The following CREB3L1 variants were observed in gnomAD, a reference collection of about 807,000 sequenced individuals.
CREB3L1 encodes the protein cAMP responsive element binding protein 3 like 1.
CREB3L1 carries 33 observed loss-of-function variants against 54.5 expected under a neutral mutation model. The ratio of observed to expected loss-of-function variants is 0.61; its 90% confidence interval spans 0.46 to 0.81. CREB3L1 has a LOEUF of 0.81. CREB3L1 is among the 30% of genes least tolerant of loss of function. CREB3L1 has a pLI of 0.00. For missense variants in CREB3L1, 656 were observed against 673.3 expected (o/e 0.97, Z 0.29); for synonymous variants, 284 against 286.4 (o/e 0.99, Z 0.08).
In CREB3L1 at chr11:46,321,059, G is replaced by GAC. The variant is rs1436805052; in HGVS notation, c.*317_*318dup. 1.7e-6 allele frequency: 1 copy of GAC among 581,250 alleles called. No individual in the cohort carries two copies. The highest frequency in any genetic ancestry group is 3.2e-6 in the Non-Finnish European group (1 of 316,938). 36.0% of individuals were successfully genotyped at this position (581,250 alleles called of 1,614,324 possible). A position where few individuals can be genotyped will look rare whatever the true frequency, so the allele number is the denominator to read the frequency against. ...CTGCCCCCACACCTGCACCCAAACAGACACATCAACGCACCCCACTCACAG... is the reference window on the plus strand; with the variant it reads ...CTGCCCCCACACCTGCACCCAAACAGACACACATCAACGCACCCCACTCACAG... On this transcript the variant is annotated 3_prime_UTR_variant, in exon 12 of 12. Coordinates refer to ENST00000621158, the MANE Select transcript of CREB3L1 (RefSeq NM_052854.4).
chr11:46,299,864 C>G lies in CREB3L1; in HGVS notation c.103-71C>G, dbSNP rs1345934972. 7.1e-6 allele frequency: 8 copies of G among 1,126,906 alleles called. No homozygotes were observed. In the East Asian group the frequency reaches 9.7e-5, roughly 14 times the overall value. 69.8% of individuals were successfully genotyped at this position (1,126,906 alleles called of 1,614,324 possible). A position where few individuals can be genotyped will look rare whatever the true frequency, so the allele number is the denominator to read the frequency against. On this transcript the variant is annotated intron_variant, in intron 1 of 11. Transcript: ENST00000621158. ...TGGCCATGGTGGGGTGCTGCACCAC[C>G]ACAGTAGCACCTGCACCCCCTTCCC...
At chr11:46,310,097 C>T (rs896222606) in intron 4 of CREB3L1, 30 bp downstream of exon 4, 1 of 1,500,394 alleles carries the variant, frequency 6.7e-7, no homozygotes, top group East Asian at 2.4e-5. Context: ...GGGCTCTTTT[C>T]CCCTCCAGTC....
At chr11:46,307,668 T>C (rs1401347385) in intron 2 of CREB3L1, 148 bp from the exon 3 acceptor site, 14 of 561,920 alleles carry the variant, frequency 2.5e-5, no homozygotes, top group East Asian at 1.6e-4. Flanking sequence ...AGACAACTCC[T>C]CCTCACCTCA....
At position 46,317,482 on chromosome 11, in the gene CREB3L1, G is replaced by A; in HGVS notation, c.1253G>A (p.Ser418Asn). The change falls in exon 10 of 12, where the codon AGC (serine) becomes AAC (asparagine). Residue 418 changes from serine to asparagine, a missense_variant. By Grantham distance (46) the Ser-to-Asn change is conservative (BLOSUM62 1). Coordinates refer to ENST00000621158, the MANE Select transcript of CREB3L1 (RefSeq NM_052854.4). ...GCCGCAGACGGCGTCTACACGGCCAGCCAGAGTGAGTGCCCGCCTGTCATG... is the reference window on the plus strand; with the variant it reads ...GCCGCAGACGGCGTCTACACGGCCAACCAGAGTGAGTGCCCGCCTGTCATG... ...PLAADGVYTA[S>N]QMPSRSLLFY... is the part of the protein sequence containing the mutation. 1.9e-6 allele frequency: 3 copies of A among 1,608,952 alleles called. No homozygotes were observed. The highest frequency in any genetic ancestry group is 2.5e-6 in the Non-Finnish European group (3 of 1,179,840).
In CREB3L1 at chr11:46,305,953, A is replaced by G. The variant is rs1590347010; in HGVS notation, c.332-1863A>G. 2.6e-5 allele frequency among the ~76,000 whole-genome samples: 4 copies of G among 151,730 alleles called. No homozygotes were observed. In the East Asian group the frequency reaches 7.8e-4, roughly 30 times the overall value. On this transcript the variant is annotated intron_variant, in intron 2 of 11. Transcript: ENST00000621158. Reference sequence around the variant, plus strand: ...GGGGTTTCACCATGTTAGCCAGGATAGTCTCGATCTCCTGACCTCATGATC... The same window carrying G: ...GGGGTTTCACCATGTTAGCCAGGATGGTCTCGATCTCCTGACCTCATGATC...
In CREB3L1 at chr11:46,311,123, C is replaced by G; in HGVS notation, c.687C>G (p.Ser229Arg). The change falls in exon 5 of 12, where the codon AGC (serine) becomes AGG (arginine). Residue 229 changes from serine to arginine, a missense_variant. Transcript: ENST00000621158. ...GTCCCCGCTCTCTGCCCCCCTCCAGCCCTGTCAGGCCCATGGCGCGCTCCT... is the reference window on the plus strand; with the variant it reads ...GTCCCCGCTCTCTGCCCCCCTCCAGGCCTGTCAGGCCCATGGCGCGCTCCT... ...SQSPRSLPPS[S>R]PVRPMARSST... The G allele has an allele frequency of 1.2e-6, 2 of 1,606,868 alleles. No homozygotes were observed. The highest frequency in any genetic ancestry group is 1.7e-6 in the Non-Finnish European group (2 of 1,179,176).
At chr11:46,299,871 G>A in intron 1 of CREB3L1, 64 bp from the exon 2 acceptor site, 1 of 1,208,630 alleles carries the variant, frequency 8.3e-7, no homozygotes, top group Non-Finnish European at 1.2e-6. Context: ...CACCACAGTA[G>A]CACCTGCACC....
At chr11:46,298,558 G>T (rs1939246096) in intron 1 of CREB3L1, among the ~76,000 whole-genome samples, 1 of 152,096 alleles carries the variant, frequency 6.6e-6, no homozygotes, top group South Asian at 2.1e-4. Flanking sequence ...AATTAGCTGG[G>T]CGTGGTGGTG....
At chr11:46,310,338 G>A (rs906095480) in intron 4 of CREB3L1, among the ~76,000 whole-genome samples, 3 of 152,092 alleles carry the variant, frequency 2.0e-5, no homozygotes, top group African/African-American at 7.2e-5. Flanking sequence ...CACGATCTCA[G>A]CTCACTGCAA....
intron 1 of CREB3L1, among the ~76,000 whole-genome samples, chr11:46,279,330 T>G (rs1024850994): frequency 5.0e-4 from 76 of 151,708 alleles, no homozygotes; most frequent in African/African-American, 1.6e-3. Context: ...GCCACTAGAT[T>G]GATGGTGAGG....
intron 1 of CREB3L1, among the ~76,000 whole-genome samples, chr11:46,280,892 C>T (rs1406114903): frequency 6.6e-6 from 1 of 152,114 alleles, no homozygotes; most frequent in Non-Finnish European, 1.5e-5. Context: ...GCAGAATATT[C>T]GCTATCCTCC....
intron 1 of CREB3L1, among the ~76,000 whole-genome samples, chr11:46,284,324 TTTCCCTC>T (rs963234290): frequency 2.0e-5 from 3 of 152,028 alleles, no homozygotes; most frequent in African/African-American, 4.8e-5. Flanking sequence ...GCTGCCCCAA[TTTCCCTC>T]TTCCTTAGTG....
At chr11:46,308,028 T>C in intron 3 of CREB3L1, 28 bp downstream of exon 3, 1 of 1,483,266 alleles carries the variant, frequency 6.7e-7, no homozygotes, top group Non-Finnish European at 9.0e-7. Context: ...TTGTAGCGGC[T>C]GAGGGAGGGA....
chr11:46,287,884 A>G (rs1043011749), intron 1 of CREB3L1, among the ~76,000 whole-genome samples: 2 of 151,478 alleles, frequency 1.3e-5, no homozygotes, highest in African/African-American at 4.8e-5. Context: ...GCTGAGACAG[A>G]AGAATTGCTT....
At chr11:46,298,378 G>A (rs535149599) in intron 1 of CREB3L1, among the ~76,000 whole-genome samples, 7 of 152,148 alleles carry the variant, frequency 4.6e-5, no homozygotes, top group Non-Finnish European at 7.3e-5. Context: ...AAATTCATTC[G>A]TTCAATAAAT....
At chr11:46,301,466 C>T (rs1400359066) in intron 2 of CREB3L1, among the ~76,000 whole-genome samples, 1 of 152,044 alleles carries the variant, frequency 6.6e-6, no homozygotes, top group Non-Finnish European at 1.5e-5. Context: ...GATAAAACCC[C>T]GTCTCTACAA....
rs150505789 is a variant in CREB3L1 at position 46,287,706 on chromosome 11, G to A, written c.102+9493G>A. Among the ~76,000 whole-genome samples the A allele has an allele frequency of 4.6e-3, 703 of 152,132 alleles. 4 individuals are homozygous for A. Among genetic ancestry groups the A allele is most frequent in the African/African-American group, 0.016 (644 of 41,490 alleles). On this transcript the variant is annotated intron_variant, in intron 1 of 11. Transcript: ENST00000621158. ...AATAATCACATGATGGGACAGGTGCGGTGGTTCACGCCTGTAATCCTAGCA... is the reference window on the plus strand; with the variant it reads ...AATAATCACATGATGGGACAGGTGCAGTGGTTCACGCCTGTAATCCTAGCA...
At position 46,310,076 on chromosome 11, in the gene CREB3L1, G is replaced by A; in HGVS notation, c.595+9G>A. The A allele has an allele frequency of 1.9e-6, 3 of 1,572,540 alleles. No individual in the cohort carries two copies. Among genetic ancestry groups the A allele is most frequent in the Non-Finnish European group, 1.7e-6 (2 of 1,156,382 alleles). On this transcript the variant is annotated intron_variant, in intron 4 of 11. Coordinates refer to ENST00000621158, the MANE Select transcript of CREB3L1 (RefSeq NM_052854.4). ...CCTCAAAGTGACACCGGGTAGGTGT[G>A]TCCAGGGGAAGGGCTCTTTTCCCCT...
At chr11:46,315,451 A>G (rs982771758) in intron 8 of CREB3L1, 2 of 212,742 alleles carry the variant, frequency 9.4e-6, no homozygotes, top group Admixed American at 5.9e-5. Flanking sequence ...CCCGGTCCTC[A>G]CCCTCAGGGA....
Sources: gnomAD v4.1 joint callset for allele counts (sites outside exome capture counted in the v4.1 genomes callset) on GRCh38, gnomAD v4.1.1 for gene constraint, MANE v1.5 for transcripts, NCBI Gene and HGNC (gene_info 2026-07-23, HGNC 2026-07-21) for gene names.